The following FRMD6 variants were observed in gnomAD, a reference collection of about 807,000 sequenced individuals.
FRMD6 encodes the protein FERM domain-containing protein 6.
In FRMD6, 37 loss-of-function variants were observed where a neutral mutation model predicts 73.2. That is an observed-to-expected ratio of 0.51 (90% CI 0.39 to 0.66). The LOEUF (loss-of-function observed/expected upper bound fraction) is 0.66. FRMD6 is among the 30% of genes least tolerant of loss of function. The pLI is 0.00. For missense variants in FRMD6, 714 were observed against 780.5 expected, an observed-to-expected ratio of 0.91 and a Z score of 1.02; for synonymous variants, 273 against 282.2, an observed-to-expected ratio of 0.97 and a Z score of 0.33.
intron 1 of FRMD6, among the ~76,000 whole-genome samples, chr14:51,657,516 T>A (rs1028164483): frequency 9.2e-5 from 14 of 152,240 alleles, no homozygotes; most frequent in African/African-American, 3.4e-4. Flanking sequence ...TCATGTGATA[T>A]ATCCAAATTG....
intron 1 of FRMD6, among the ~76,000 whole-genome samples, chr14:51,561,492 T>G (rs1887478529): frequency 1.3e-5 from 2 of 152,210 alleles, no homozygotes; most frequent in African/African-American, 4.8e-5. Context: ...AAGTATCTTC[T>G]CTAGACAACA....
intron 2 of FRMD6, chr14:51,692,691 T>A (rs1487263097): frequency 6.6e-6 from 1 of 152,132 alleles, no homozygotes; most frequent in East Asian, 1.9e-4. Context: ...GATCAGTGGT[T>A]TTGAAACTTG....
intron 2 of FRMD6, among the ~76,000 whole-genome samples, chr14:51,610,660 T>A (rs1368963627): frequency 6.6e-6 from 1 of 152,172 alleles, no homozygotes; most frequent in Non-Finnish European, 1.5e-5. Flanking sequence ...ATTCTCTACA[T>A]AAGTCAAAAT....
At chr14:51,625,136 C>G (rs10484084) in intron 2 of FRMD6, among the ~76,000 whole-genome samples, 19,016 of 152,152 alleles carry the variant, frequency 0.12, 1,536 homozygotes, top group Non-Finnish European at 0.18. Flanking sequence ...TAGTATGAGC[C>G]AGAAGGGAGT....
chr14:51,692,706 T>C (rs1895687028), intron 2 of FRMD6: 1 of 152,220 alleles, frequency 6.6e-6, no homozygotes, highest in Non-Finnish European at 1.5e-5. Context: ...AACTTGAATA[T>C]ATATCAGAAT....
At chr14:51,474,179 G>A in the FRMD6 span, among the ~76,000 whole-genome samples, 5 of 152,138 alleles carry the variant, frequency 3.3e-5, no homozygotes, top group South Asian at 2.1e-4. Context: ...GATTTTAACC[G>A]TGTGTACAGA....
At chr14:51,403,394 T>C in the FRMD6 span, among the ~76,000 whole-genome samples, 1 of 151,770 alleles carries the variant, frequency 6.6e-6, no homozygotes, top group East Asian at 1.9e-4. Flanking sequence ...CTGCAACTTT[T>C]ATTTTATTTT....
chr14:51,702,625 T>TC (rs759143423), intron 5 of FRMD6, 37 bp downstream of exon 5: 3 of 1,506,446 alleles, frequency 2.0e-6, no homozygotes, highest in Non-Finnish European at 1.8e-6. Flanking sequence ...CGCTTTTTTT[T>TC]CCCCCATAGC....
chr14:51,495,656 C>A (rs1386528278), intron 1 of FRMD6, among the ~76,000 whole-genome samples: 1 of 152,178 alleles, frequency 6.6e-6, no homozygotes, highest in South Asian at 2.1e-4. Flanking sequence ...TATCACTGAG[C>A]CTTCTAACTG....
intron 2 of FRMD6, among the ~76,000 whole-genome samples, chr14:51,695,923 T>G (rs531187023): frequency 1.3e-5 from 2 of 152,284 alleles, no homozygotes; most frequent in African/African-American, 4.8e-5. Flanking sequence ...GATCTTGGCG[T>G]GTCTTTATTT....
In FRMD6 at chr14:51,704,755, A is replaced by G; in HGVS notation, c.378A>G (p.Arg126=). The change falls in exon 6 of 14, where the codon AGA becomes AGG. Residue 126 remains arginine (R), a synonymous_variant. Transcript: ENST00000344768. ...YVENGRLISD[R]AARYYYYWHL... Reference sequence around the variant, plus strand: ...TTTTCTTTTATTTTTCTAGTGACAGAGCAGCAAGATACTATTATTACTGGC... The same window carrying G: ...TTTTCTTTTATTTTTCTAGTGACAGGGCAGCAAGATACTATTATTACTGGC... 1 of 1,608,792 alleles carries G rather than the reference A, an allele frequency of 6.2e-7. No individual in the cohort carries two copies.
At chr14:51,445,355 G>A in the FRMD6 span, among the ~76,000 whole-genome samples, 5 of 152,144 alleles carry the variant, frequency 3.3e-5, no homozygotes, top group Non-Finnish European at 7.3e-5. Context: ...CAAAGCCAGT[G>A]GTTGGGTCTG....
In FRMD6 at chr14:51,568,720, A is replaced by T. The variant is rs527655697; in HGVS notation, c.-209-1628A>T. Among the ~76,000 whole-genome samples the T allele has an allele frequency of 1.2e-4, 19 of 152,296 alleles. 1 individual carries two copies. In the South Asian group the frequency reaches 3.9e-3, roughly 32 times the overall value. ...CACTAAATCCAATGGGCTTGATATG[A>T]TAGGGAATCAAGAGGCTGTGGTGAA... On this transcript the variant is annotated intron_variant, in intron 1 of 14. Transcript: ENST00000356218.
chr14:51,578,034 T>C (rs1336276052), intron 2 of FRMD6, among the ~76,000 whole-genome samples: 1 of 152,160 alleles, frequency 6.6e-6, no homozygotes, highest in Non-Finnish European at 1.5e-5. Flanking sequence ...TCCTGTCCTA[T>C]GGTTAATCAC....
intron 9 of FRMD6, chr14:51,714,337 C>T (rs1897126512): frequency 1.3e-5 from 2 of 151,952 alleles, no homozygotes; most frequent in African/African-American, 4.8e-5. Flanking sequence ...ACACCTCCAC[C>T]TTATCCCTGC....
intron 1 of FRMD6, among the ~76,000 whole-genome samples, chr14:51,666,849 TA>T (rs1282182529): frequency 9.2e-5 from 14 of 152,288 alleles, no homozygotes; most frequent in Admixed American, 3.9e-4. Context: ...AAATTTCAGA[TA>T]TTAGCCTGGC....
At chr14:51,605,383 T>C (rs1324144076) in intron 2 of FRMD6, among the ~76,000 whole-genome samples, 1 of 152,118 alleles carries the variant, frequency 6.6e-6, no homozygotes, top group Non-Finnish European at 1.5e-5. Flanking sequence ...ACAAAGCACT[T>C]TACATATATT....
the FRMD6 span, among the ~76,000 whole-genome samples, chr14:51,403,390 CTTTTATTTTA>C: frequency 1.3e-5 from 2 of 150,812 alleles, no homozygotes; most frequent in African/African-American, 2.4e-5. Flanking sequence ...TATTCTGCAA[CTTTTATTTTA>C]TTTTATTTTA....
At chr14:51,707,550 A>G (rs557410548) in intron 6 of FRMD6, among the ~76,000 whole-genome samples, 1 of 152,200 alleles carries the variant, frequency 6.6e-6, no homozygotes, top group Non-Finnish European at 1.5e-5. Flanking sequence ...TAAGTATTCC[A>G]GCAGTGTTCA....
Sources: gnomAD v4.1 joint callset for allele counts (sites outside exome capture counted in the v4.1 genomes callset) on GRCh38, gnomAD v4.1.1 for gene constraint, MANE v1.5 for transcripts, NCBI Gene and HGNC (gene_info 2026-07-23, HGNC 2026-07-21) for gene names.